Variants in GXYLT2 observed in about 807,000 individuals in gnomAD.
The protein encoded by GXYLT2 is glycosyltransferase 8 domain containing 4.
A neutral mutation model predicts 45.8 loss-of-function variants in GXYLT2; 53 were observed. The observed-to-expected ratio is 1.16, with a 90% confidence interval of 0.93 to 1.46. The LOEUF is 1.46. Among genes scored for constraint, GXYLT2 ranks in the 40% most tolerant of loss-of-function variants. The pLI is 0.00. For missense variants in GXYLT2, 551 were observed against 544.4 expected (o/e 1.01, Z -0.12); for synonymous variants, 219 against 214.2 (o/e 1.02, Z -0.19).
intron 3 of GXYLT2, among the ~76,000 whole-genome samples, chr3:72,954,577 A>G (rs1710596304): frequency 6.6e-6 from 1 of 151,286 alleles, no homozygotes; most frequent in Non-Finnish European, 1.5e-5. Context: ...TTCAGGTTGC[A>G]GTAAGCCAAG....
At chr3:72,929,534 A>T (rs1273726908) in intron 3 of GXYLT2, 1 of 1,211,714 alleles carries the variant, frequency 8.3e-7, no homozygotes, top group African/African-American at 1.5e-5. Context: ...GAGCACCCGA[A>T]TCTGGCTCGG....
At position 72,922,405 on chromosome 3, in the gene GXYLT2, G is replaced by A. The variant is rs114402102; in HGVS notation, c.600+70G>A. 2,366 of 1,475,804 alleles carry A rather than the reference G, an allele frequency of 1.6e-3. 35 individuals carry two copies. In the African/African-American group the frequency reaches 0.029, roughly 18 times the overall value. 91.4% of individuals were successfully genotyped at this position (1,475,804 alleles called of 1,614,324 possible). A position where few individuals can be genotyped will look rare whatever the true frequency, so the allele number is the denominator to read the frequency against. ...TAAGGTAAAATTAGCTGAGATGTGT[G>A]TAGAAACATTTAACTTAACAGCTGA... On this transcript the variant is annotated intron_variant, in intron 3 of 6. Transcript: ENST00000389617.
rs1409776927 is a variant in GXYLT2 at position 72,929,561 on chromosome 3, C to T, written c.600+7226C>T. 6 of 1,138,536 alleles carry T rather than the reference C, an allele frequency of 5.3e-6. No homozygotes were observed. In the East Asian group the frequency reaches 1.4e-4, roughly 27 times the overall value. 70.5% of individuals were successfully genotyped at this position (1,138,536 alleles called of 1,614,324 possible). A position where few individuals can be genotyped will look rare whatever the true frequency, so the allele number is the denominator to read the frequency against. Reference sequence around the variant, plus strand: ...CTGGCTCGGCAGAATATCTCTTTGACAAGCACACGCTGGGAGACAGTGATA... The same window carrying T: ...CTGGCTCGGCAGAATATCTCTTTGATAAGCACACGCTGGGAGACAGTGATA... On this transcript the variant is annotated intron_variant, in intron 3 of 6. Transcript: ENST00000389617.
At chr3:72,917,507 A>G (rs990166277) in intron 2 of GXYLT2, among the ~76,000 whole-genome samples, 5 of 152,136 alleles carry the variant, frequency 3.3e-5, no homozygotes, top group African/African-American at 9.7e-5. Context: ...CTCCTTTCCT[A>G]TTAAGAATTT....
At chr3:72,951,573 C>G (rs191552049) in intron 3 of GXYLT2, among the ~76,000 whole-genome samples, 1 of 152,254 alleles carries the variant, frequency 6.6e-6, no homozygotes, top group East Asian at 1.9e-4. Context: ...GGTATTACCT[C>G]AGGCTGCCAA....
chr3:72,915,354 T>TGTG (rs1559732646), intron 2 of GXYLT2, among the ~76,000 whole-genome samples: 1 of 33,482 alleles, frequency 3.0e-5, no homozygotes, highest in Non-Finnish European at 5.1e-5. Flanking sequence ...TTTTTTTTTT[T>TGTG]GCGGGGGGGG....
intron 3 of GXYLT2, among the ~76,000 whole-genome samples, chr3:72,952,595 T>G (rs780837032): frequency 6.6e-6 from 1 of 152,110 alleles, no homozygotes; most frequent in Non-Finnish European, 1.5e-5. Context: ...CAGAAATTTA[T>G]TTTCTCATGG....
At chr3:72,938,087 C>G (rs150857785) in intron 3 of GXYLT2, among the ~76,000 whole-genome samples, 51 of 152,122 alleles carry the variant, frequency 3.4e-4, no homozygotes, top group African/African-American at 1.2e-3. Context: ...GTGAGATCCT[C>G]TCTACAAAAA....
intron 5 of GXYLT2, among the ~76,000 whole-genome samples, chr3:72,958,447 A>T (rs1710691929): frequency 6.6e-6 from 1 of 152,062 alleles, no homozygotes; most frequent in African/African-American, 2.4e-5. Flanking sequence ...CACCCTTGGA[A>T]CACATATTGT....
chr3:72,889,913 T>TG (rs1709150351), intron 1 of GXYLT2, among the ~76,000 whole-genome samples: 1 of 150,016 alleles, frequency 6.7e-6, no homozygotes, highest in Non-Finnish European at 1.5e-5. Flanking sequence ...TTTTGTTTTT[T>TG]TTTTTTTTTT....
chr3:72,893,943 G>A (rs1183758651), intron 1 of GXYLT2, among the ~76,000 whole-genome samples: 1 of 151,666 alleles, frequency 6.6e-6, no homozygotes, highest in East Asian at 1.9e-4. Context: ...TGAGCTTCTT[G>A]TATCCAGTAC....
chr3:72,938,241 A>T (rs182905303), intron 3 of GXYLT2, among the ~76,000 whole-genome samples: 14 of 152,306 alleles, frequency 9.2e-5, no homozygotes, highest in African/African-American at 3.4e-4. Flanking sequence ...GTATAGATGG[A>T]TAGGGGGATG....
Position 72,922,299 on chromosome 3 carries a change from G to A in GXYLT2, c.564G>A (p.Leu188=), listed in dbSNP as rs753790196. ...GAAACCCTCAGGAGTGGAAGAAATT[G>A]TTCAAACCCTGTGCTGCCCAGAGAC... ...SVGNPQEWKK[L]FKPCAAQRLF... Residue 188 remains leucine, a synonymous_variant, in exon 3 of 7, where the codon TTG becomes TTA. Coordinates refer to ENST00000389617, the MANE Select transcript of GXYLT2 (RefSeq NM_001080393.2). The A allele has an allele frequency of 1.7e-5, 27 of 1,613,734 alleles. No individual in the cohort carries two copies. The highest frequency in any genetic ancestry group is 4.0e-5 in the African/African-American group (3 of 74,900).
intron 1 of GXYLT2, among the ~76,000 whole-genome samples, chr3:72,891,843 G>A (rs2107055289): frequency 6.6e-6 from 1 of 152,244 alleles, no homozygotes; most frequent in South Asian, 2.1e-4. Flanking sequence ...ATTTCAAAAA[G>A]GGAACCATGA....
chr3:72,892,653 G>A (rs1256373701), intron 1 of GXYLT2, among the ~76,000 whole-genome samples: 1 of 152,164 alleles, frequency 6.6e-6, no homozygotes, highest in Non-Finnish European at 1.5e-5. Flanking sequence ...GTTCCCTTTA[G>A]TGTCTGAGAT....
At chr3:72,943,923 G>T (rs1710350126) in intron 3 of GXYLT2, among the ~76,000 whole-genome samples, 1 of 149,134 alleles carries the variant, frequency 6.7e-6, no homozygotes, top group Admixed American at 6.7e-5. Flanking sequence ...GGCTCAAGCT[G>T]TCCTCCCATT....
intron 2 of GXYLT2, among the ~76,000 whole-genome samples, chr3:72,919,942 T>C (rs1030369004): frequency 6.6e-6 from 1 of 152,166 alleles, no homozygotes; most frequent in African/African-American, 2.4e-5. Context: ...TGGACTTTAG[T>C]TAGTAATAGC....
intron 5 of GXYLT2, among the ~76,000 whole-genome samples, chr3:72,958,384 C>A (rs1346551417): frequency 1.3e-5 from 2 of 151,782 alleles, no homozygotes; most frequent in African/African-American, 4.8e-5. Flanking sequence ...ATTTAAAAAT[C>A]CTGAAGTAGA....
chr3:72,933,440 C>G (rs952861185), intron 3 of GXYLT2, among the ~76,000 whole-genome samples: 1 of 152,054 alleles, frequency 6.6e-6, no homozygotes, highest in African/African-American at 2.4e-5. Context: ...CTTACGAAGC[C>G]TAGTGTAAGA....
Sources: allele counts gnomAD v4.1 joint callset (sites outside exome capture counted in the v4.1 genomes callset), GRCh38; gene constraint gnomAD v4.1.1; transcripts MANE v1.5; gene names NCBI Gene and HGNC (gene_info 2026-07-23, HGNC 2026-07-21).